ELOVL2: variants seen among roughly 807,000 people sequenced by gnomAD.
ELOVL2 encodes the protein very long chain fatty acid elongase 2.
Under a neutral mutation model 37.7 loss-of-function variants are expected in ELOVL2, and 38 were observed. That is an observed-to-expected ratio of 1.01 (90% CI 0.78 to 1.32). The LOEUF is 1.32. ELOVL2 is among the 40% of genes most tolerant of loss of function. ELOVL2 has a pLI of 0.00. For synonymous variants in ELOVL2, 115 were observed against 122.3 expected (o/e 0.94, Z 0.40); for missense variants, 352 against 363.6 (o/e 0.97, Z 0.26).
At chr6:11,017,933 C>T (rs2113535523) in intron 1 of ELOVL2, among the ~76,000 whole-genome samples, 1 of 152,314 alleles carries the variant, frequency 6.6e-6, no homozygotes, top group East Asian at 1.9e-4. Context: ...TGAACTTTTA[C>T]AATACTCACG....
At chr6:11,004,600 T>G (rs1214892265) in intron 3 of ELOVL2, among the ~76,000 whole-genome samples, 2 of 152,168 alleles carry the variant, frequency 1.3e-5, no homozygotes, top group Non-Finnish European at 2.9e-5. Flanking sequence ...CCACTAGAGC[T>G]GAGCTAAAAC....
chr6:11,011,230 G>A (rs2113524182), intron 1 of ELOVL2, among the ~76,000 whole-genome samples: 1 of 152,206 alleles, frequency 6.6e-6, no homozygotes, highest in South Asian at 2.1e-4. Flanking sequence ...GCCAGGCATG[G>A]TGGCAGGCAC....
intron 1 of ELOVL2, among the ~76,000 whole-genome samples, chr6:11,043,992 C>T (rs1253134922): frequency 6.6e-6 from 1 of 151,592 alleles, no homozygotes; most frequent in Non-Finnish European, 1.5e-5. Context: ...GAGAGGGGAC[C>T]GAGACAAAGT....
chr6:10,997,463 G>A (rs1304817169), intron 4 of ELOVL2, among the ~76,000 whole-genome samples: 1 of 152,010 alleles, frequency 6.6e-6, no homozygotes, highest in Non-Finnish European at 1.5e-5. Context: ...TTTAAATCAC[G>A]ATCCAAAGAA....
intron 5 of ELOVL2, among the ~76,000 whole-genome samples, chr6:10,992,000 A>G (rs1782168883): frequency 1.3e-5 from 2 of 152,222 alleles, no homozygotes; most frequent in Admixed American, 1.3e-4. Flanking sequence ...GTCTGTACAC[A>G]GTGATGATTT....
In ELOVL2 at chr6:11,044,030, C is replaced by A. The variant is rs1028211225; in HGVS notation, c.3+198G>T. ...CCGAGACCCGCGGGCCTCGGGCCGA[C>A]CCGCGCGCCCCCGGCCCAAACGCTC... On this transcript the variant is annotated intron_variant, in intron 1 of 7. Transcript: ENST00000354666. This position sits in a 1 kb window ranked among gnomAD's most constrained non-coding sequence, Gnocchi z 5.6. Among the ~76,000 whole-genome samples the A allele has an allele frequency of 6.6e-6, 1 of 151,292 alleles. No individual in the cohort carries two copies. Among genetic ancestry groups the A allele is most frequent in the South Asian group, 2.1e-4 (1 of 4,812 alleles).
chr6:10,981,069 A>AG lies in ELOVL2; in HGVS notation c.*2711dup, dbSNP rs1265050955. On this transcript the variant is annotated 3_prime_UTR_variant, in exon 8 of 8. Coordinates refer to ENST00000354666, the MANE Select transcript of ELOVL2 (RefSeq NM_017770.4). ...AAATAATAAAATATTTCTCAAATGC[A>AG]GGGGTGAGGACTTTACCCCGTAACA... 1 of 152,232 alleles carries AG rather than the reference A, an allele frequency of 6.6e-6. No individual in the cohort carries two copies. Among genetic ancestry groups the AG allele is most frequent in the African/African-American group, 2.4e-5 (1 of 41,464 alleles). 9.4% of individuals were successfully genotyped at this position (152,232 alleles called of 1,614,324 possible). A position where few individuals can be genotyped will look rare whatever the true frequency, so the allele number is the denominator to read the frequency against.
At chr6:11,037,860 TTAATA>T (rs995141362) in intron 1 of ELOVL2, among the ~76,000 whole-genome samples, 1 of 152,222 alleles carries the variant, frequency 6.6e-6, no homozygotes, top group African/African-American at 2.4e-5. Context: ...CTTTATATAT[TTAATA>T]TGTTTAAGTG....
rs536427327 is a variant in ELOVL2, at chr6:10,981,083, T to C, written c.*2698A>G. 4 of 152,364 alleles carry C rather than the reference T, an allele frequency of 2.6e-5. No homozygotes were observed. Among genetic ancestry groups the C allele is most frequent in the African/African-American group, 9.6e-5 (4 of 41,588 alleles). The allele number at this position is 152,364 out of a possible 1,614,324, so 9.4% of individuals were successfully genotyped here. On this transcript the variant is annotated 3_prime_UTR_variant, in exon 8 of 8. Coordinates refer to ENST00000354666, the MANE Select transcript of ELOVL2 (RefSeq NM_017770.4). ...TTCTCAAATGCAGGGGTGAGGACTT[T>C]ACCCCGTAACATGCCTAAGTGGTTC...
intron 7 of ELOVL2, among the ~76,000 whole-genome samples, chr6:10,987,174 T>G (rs1375907760): frequency 1.3e-5 from 2 of 152,238 alleles, no homozygotes; most frequent in East Asian, 3.8e-4. Context: ...TAGTTTGTAT[T>G]TCTGTGGGAT....
chr6:11,032,852 A>T (rs1045814715), intron 1 of ELOVL2, among the ~76,000 whole-genome samples: 1 of 152,234 alleles, frequency 6.6e-6, no homozygotes, highest in Non-Finnish European at 1.5e-5. Flanking sequence ...ACGCCCTGAA[A>T]GTGTTCTATA....
intron 4 of ELOVL2, among the ~76,000 whole-genome samples, chr6:10,999,185 G>A (rs546099416): frequency 1.3e-5 from 2 of 152,190 alleles, no homozygotes; most frequent in East Asian, 1.9e-4. Context: ...TTAATATATA[G>A]GTATATTCAT....
Position 11,042,060 on chromosome 6 carries a change from C to T in ELOVL2, c.3+2168G>A, listed in dbSNP as rs151231709. On this transcript the variant is annotated intron_variant, in intron 1 of 7. Transcript: ENST00000354666. ...CATGGTGGCTCATGCCTTGTAATTC[C>T]AGCACTTTGGGAAGCCGAGGTGGGT... is the stretch of plus-strand genomic sequence containing the variant. Among the ~76,000 whole-genome samples the T allele has an allele frequency of 2.6e-4, 40 of 152,094 alleles. No individual in the cohort carries two copies. The East Asian group carries it at 5.8e-3, about 22-fold the overall frequency.
chr6:11,034,822 G>A (rs1330067881), intron 1 of ELOVL2, among the ~76,000 whole-genome samples: 1 of 151,936 alleles, frequency 6.6e-6, no homozygotes, highest in Non-Finnish European at 1.5e-5. Context: ...GGCCAACATG[G>A]TGAAACCCAG....
At chr6:10,990,799 A>AG (rs1464079470) in intron 5 of ELOVL2, among the ~76,000 whole-genome samples, 3 of 152,254 alleles carry the variant, frequency 2.0e-5, no homozygotes, top group African/African-American at 7.2e-5. Context: ...CCTCTGAAAT[A>AG]GAATTGTCTT....
intron 7 of ELOVL2, among the ~76,000 whole-genome samples, chr6:10,989,254 T>A (rs146942144): frequency 2.3e-3 from 351 of 152,316 alleles, no homozygotes; most frequent in African/African-American, 7.8e-3. Flanking sequence ...AGAGAGGAGT[T>A]AGGAGTGCAA....
intron 4 of ELOVL2, among the ~76,000 whole-genome samples, chr6:10,996,054 G>T (rs1455400528): frequency 1.3e-5 from 2 of 152,048 alleles, no homozygotes; most frequent in East Asian, 3.9e-4. Flanking sequence ...CCCTCCTAAG[G>T]CCCTCAAGTC....
chr6:11,017,374 T>A (rs985347983), intron 1 of ELOVL2, among the ~76,000 whole-genome samples: 1 of 152,200 alleles, frequency 6.6e-6, no homozygotes, highest in Non-Finnish European at 1.5e-5. Flanking sequence ...GCCTTCAGAC[T>A]GAAGGGTTTC....
intron 1 of ELOVL2, among the ~76,000 whole-genome samples, chr6:11,017,859 C>A (rs184677053): frequency 6.6e-6 from 1 of 152,342 alleles, no homozygotes; most frequent in Admixed American, 6.5e-5. Context: ...ATTCCAAGAA[C>A]AATGCCTGGC....
Sources: allele counts gnomAD v4.1 joint callset (sites outside exome capture counted in the v4.1 genomes callset), GRCh38; gene constraint gnomAD v4.1.1; non-coding constraint Gnocchi (gnomAD v3.1); transcripts MANE v1.5; gene names NCBI Gene and HGNC (gene_info 2026-07-23, HGNC 2026-07-21).